Variants in LAPTM4B observed in about 807,000 individuals in gnomAD.
LAPTM4B encodes the protein lysosomal-associated transmembrane protein 4B.
In LAPTM4B, 26 loss-of-function variants were observed where a neutral mutation model predicts 28.5. The observed-to-expected ratio is 0.91, with a 90% CI of 0.67 to 1.27. The LOEUF is 1.27. Ranked by LOEUF, LAPTM4B falls within the 50% of genes most tolerant of loss-of-function variation. The probability of loss-of-function intolerance (pLI) is 0.00; values close to 1 mark genes in which losing one functional copy is unlikely to be tolerated. For missense variants in LAPTM4B, 288 were observed against 285.8 expected, an observed-to-expected ratio of 1.01 and a Z score of -0.06; for synonymous variants, 109 against 106.4, an observed-to-expected ratio of 1.02 and a Z score of -0.15.
intron 2 of LAPTM4B, 40 bp from the exon 3 acceptor site, chr8:97,815,288 A>G (rs764534279): frequency 6.6e-7 from 1 of 1,514,328 alleles, no homozygotes; most frequent in Non-Finnish European, 9.2e-7. Flanking sequence ...TCCACTACTG[A>G]TTGTCTTTTT....
chr8:97,851,786 C>T lies in LAPTM4B; in HGVS notation c.*312C>T. 1 of 305,512 alleles carries T rather than the reference C, an allele frequency of 3.3e-6. No homozygotes were observed. Among genetic ancestry groups the T allele is most frequent in the Non-Finnish European group, 6.0e-6 (1 of 167,954 alleles). 18.9% of individuals were successfully genotyped at this position (305,512 alleles called of 1,614,324 possible). A position where few individuals can be genotyped will look rare whatever the true frequency, so the allele number is the denominator to read the frequency against. On this transcript the variant is annotated 3_prime_UTR_variant, in exon 7 of 7. Coordinates refer to ENST00000521545, the MANE Select transcript of LAPTM4B (RefSeq NM_018407.6). ...GTCTGCTTTTGTACCTGCTGGGCCC[C>T]AAAGTTGGGCATTTTTCTCTCTGTT...
chr8:97,819,290 A>T, intron 5 of LAPTM4B, 52 bp downstream of exon 5: 1 of 1,109,878 alleles, frequency 9.0e-7, no homozygotes, highest in Non-Finnish European at 1.3e-6. Flanking sequence ...GTATTCCTGA[A>T]TACCAAATAA....
chr8:97,806,400 C>T (rs900255194), intron 2 of LAPTM4B, among the ~76,000 whole-genome samples: 2 of 152,026 alleles, frequency 1.3e-5, no homozygotes, highest in South Asian at 2.1e-4. Context: ...TTTTGGGCAG[C>T]GAAGGAGACG....
intron 6 of LAPTM4B, among the ~76,000 whole-genome samples, chr8:97,829,723 G>A (rs1203582541): frequency 2.7e-5 from 4 of 148,078 alleles, no homozygotes; most frequent in African/African-American, 9.9e-5. Flanking sequence ...CAAGAGTCTT[G>A]CTCTGTAGCC....
chr8:97,795,034 A>G (rs1382369772), intron 1 of LAPTM4B, among the ~76,000 whole-genome samples: 2 of 152,234 alleles, frequency 1.3e-5, no homozygotes, highest in Non-Finnish European at 2.9e-5. Context: ...TTTAGAAAAA[A>G]TTTCCAAATA....
chr8:97,792,783 G>A (rs1366260424), intron 1 of LAPTM4B, among the ~76,000 whole-genome samples: 4 of 151,964 alleles, frequency 2.6e-5, no homozygotes, highest in Non-Finnish European at 5.9e-5. Context: ...TCACCATGTT[G>A]GCCAGGCTGG....
intron 6 of LAPTM4B, among the ~76,000 whole-genome samples, chr8:97,837,195 C>CTTTT (rs55645609): frequency 9.5e-5 from 13 of 136,966 alleles, no homozygotes; most frequent in African/African-American, 2.4e-4. Context: ...CCTCCTGCCA[C>CTTTT]TTTTTTTTTT....
chr8:97,784,239 T>A (rs569130325), intron 1 of LAPTM4B, among the ~76,000 whole-genome samples: 8 of 152,294 alleles, frequency 5.3e-5, no homozygotes, highest in Middle Eastern at 3.4e-3. Context: ...ACTTGGCCCG[T>A]AATTTCAGGA....
chr8:97,805,780 T>C (rs1156418689), intron 2 of LAPTM4B, among the ~76,000 whole-genome samples: 2 of 152,206 alleles, frequency 1.3e-5, no homozygotes, highest in Non-Finnish European at 2.9e-5. Flanking sequence ...GGCTTGTGCT[T>C]ATCTCCTTGT....
chr8:97,838,315 G>T (rs960504776), intron 6 of LAPTM4B, among the ~76,000 whole-genome samples: 1 of 152,208 alleles, frequency 6.6e-6, no homozygotes, highest in African/African-American at 2.4e-5. Context: ...GTTCCATCCA[G>T]TGAGGGTTGA....
intron 5 of LAPTM4B, among the ~76,000 whole-genome samples, chr8:97,824,421 G>A (rs2513955): frequency 0.36 from 55,084 of 152,002 alleles, 12,057 homozygotes; most frequent in Middle Eastern, 0.5. Flanking sequence ...AATTACACAT[G>A]ATGGAATGAA....
chr8:97,799,699 T>G (rs138586711), intron 1 of LAPTM4B, among the ~76,000 whole-genome samples: 92 of 152,320 alleles, frequency 6.0e-4, no homozygotes, highest in African/African-American at 2.0e-3. Flanking sequence ...ATAGCTCTGA[T>G]CATGTCATAT....
chr8:97,816,325 T>G (rs552936462), intron 4 of LAPTM4B, 145 bp downstream of exon 4: 1 of 840,354 alleles, frequency 1.2e-6, no homozygotes, highest in African/African-American at 1.8e-5. Flanking sequence ...TCTTTTTTCT[T>G]TTTTTTGAGG....
chr8:97,790,969 A>G (rs971556136), intron 1 of LAPTM4B, among the ~76,000 whole-genome samples: 1 of 152,060 alleles, frequency 6.6e-6, no homozygotes, highest in African/African-American at 2.4e-5. Flanking sequence ...CAGTGGTGCA[A>G]TCACGCCTCA....
chr8:97,808,528 C>G, intron 2 of LAPTM4B, among the ~76,000 whole-genome samples: 1 of 152,018 alleles, frequency 6.6e-6, no homozygotes. Context: ...AAAGCTGTGT[C>G]CAATAACCTT....
chr8:97,843,037 C>G (rs900287136), intron 6 of LAPTM4B, among the ~76,000 whole-genome samples: 2 of 152,032 alleles, frequency 1.3e-5, no homozygotes, highest in Non-Finnish European at 2.9e-5. Context: ...TGCCATCACA[C>G]TTGGCTAAAT....
At position 97,834,144 on chromosome 8, in the gene LAPTM4B, G is replaced by GAAAAAAAAA. The variant is rs554058157; in HGVS notation, c.603+8997_603+9005dup. Among the ~76,000 whole-genome samples, 74 of 75,336 alleles carry GAAAAAAAAA rather than the reference G, an allele frequency of 9.8e-4. 6 individuals are homozygous for GAAAAAAAAA. The highest frequency in any genetic ancestry group is 1.3e-3 in the African/African-American group (32 of 23,748). The allele number at this position is 75,336 out of a possible 152,430, so 49.4% of individuals were successfully genotyped here. A position where few individuals can be genotyped will look rare whatever the true frequency, so the allele number is the denominator to read the frequency against. On this transcript the variant is annotated intron_variant, in intron 6 of 6. Transcript: ENST00000521545. ...ACATAGTGAGACCCCTGTCTCTACA[G>GAAAAAAAAA]AAAAAAAAAAAAAATCCAGGTGGCA...
chr8:97,813,439 ACAGATTGAGGGTGGGTCTTCGTC>A (rs35469226), intron 2 of LAPTM4B, among the ~76,000 whole-genome samples: 68,228 of 151,702 alleles, frequency 0.45, 15,765 homozygotes, highest in East Asian at 0.57. Context: ...TGGTACCCAT[ACAGATTGAGGGTGGGTCTTCGTC>A]TCCCAGTCCA....
At chr8:97,815,967 T>C in intron 3 of LAPTM4B, 91 bp from the exon 4 acceptor site, 1 of 1,270,038 alleles carries the variant, frequency 7.9e-7, no homozygotes, top group Non-Finnish European at 1.1e-6. Context: ...TTTTTCCATT[T>C]CCTTTCAGAT....
Sources: gnomAD v4.1 joint callset for allele counts (sites outside exome capture counted in the v4.1 genomes callset) on GRCh38, gnomAD v4.1.1 for gene constraint, MANE v1.5 for transcripts, NCBI Gene and HGNC (gene_info 2026-07-23, HGNC 2026-07-21) for gene names.